Variants in SEMA3A observed in about 807,000 individuals in gnomAD.
SEMA3A encodes the protein semaphorin 3A, also known as semaphorin-3A.
SEMA3A carries 29 observed loss-of-function variants against 97.9 expected under a neutral mutation model. That is an observed-to-expected ratio of 0.30 (90% CI 0.22 to 0.40). SEMA3A has a LOEUF of 0.40. Ranked by LOEUF, SEMA3A falls within the 10% of genes least tolerant of loss-of-function variation. SEMA3A has a pLI of 1.00. For synonymous variants in SEMA3A, 321 were observed against 323.7 expected, an observed-to-expected ratio of 0.99 and a Z score of 0.09; for missense variants, 763 against 951.3, an observed-to-expected ratio of 0.80 and a Z score of 2.60.
intron 4 of SEMA3A, among the ~76,000 whole-genome samples, chr7:84,095,361 A>T (rs1583958829): frequency 0.014 from 538 of 37,334 alleles, 1 homozygote; most frequent in Non-Finnish European, 0.029. Context: ...TTATATACAT[A>T]TATATATATA....
rs753938957 is a variant in SEMA3A at position 84,005,555 on chromosome 7, G to C, written c.1144C>G (p.Pro382Ala). The change falls in exon 11 of 17, where the codon CCC becomes GCC. Residue 382 changes from proline (P) to alanine (A), a missense_variant. Around this residue, in one of 2 missense-constraint regions of SEMA3A, gnomAD observed 678 missense variants for 881.3 expected, o/e 0.77. Transcript: ENST00000265362. Reference sequence around the variant, plus strand: ...TCAAAACCACCAAATGTTTTGCTGGGACACTATTAAGATAAAGAGAAAATT... The same window carrying C: ...TCAAAACCACCAAATGTTTTGCTGGCACACTATTAAGATAAAGAGAAAATT... ...RVPYPRPGTC[P>A]SKTFGGFDST... 6.2e-7 allele frequency: 1 copy of C among 1,602,722 alleles called. No individual in the cohort carries two copies. Among genetic ancestry groups the C allele is most frequent in the Non-Finnish European group, 8.5e-7 (1 of 1,170,044 alleles).
intron 3 of SEMA3A, among the ~76,000 whole-genome samples, chr7:84,203,526 A>ATTTTTTTTTTTTTTTT (rs35519031): frequency 3.9e-5 from 1 of 25,658 alleles, no homozygotes; most frequent in Non-Finnish European, 7.1e-5. Context: ...ATATATATAT[A>ATTTTTTTTTTTTTTTT]TTTTTTTTTT....
intron 2 of SEMA3A, among the ~76,000 whole-genome samples, chr7:84,327,162 C>T (rs1801793016): frequency 6.6e-6 from 1 of 151,948 alleles, no homozygotes; most frequent in Admixed American, 6.6e-5. Flanking sequence ...TTTATTGCTA[C>T]TCTTAATAGA....
Position 83,999,301 on chromosome 7 carries a change from T to C in SEMA3A, c.1452+2654A>G, listed in dbSNP as rs191806322. The stretch of plus-strand genomic sequence containing the variant: ...ACATCTTTTTAAGTTAAAATCCTTA[T>C]TAATGTACTAAACAACATAGCTAAG... On this transcript the variant is annotated intron_variant, in intron 12 of 16. Transcript: ENST00000265362. 2.9e-4 allele frequency among the ~76,000 whole-genome samples: 44 copies of C among 152,254 alleles called. 1 individual carries two copies. The highest frequency in any genetic ancestry group is 3.1e-4 in the Non-Finnish European group (21 of 67,996).
chr7:84,162,913 A>G (rs1797083956), intron 1 of SEMA3A, among the ~76,000 whole-genome samples: 1 of 152,200 alleles, frequency 6.6e-6, no homozygotes, highest in East Asian at 1.9e-4. Context: ...AATAGACTCT[A>G]GAAACTTCGA....
Position 84,194,744 on chromosome 7 carries a change from C to A in SEMA3A, c.-158G>T. ...CAAGACCTCATGGCAACACTAACACCTCTTCTTCTGTAACAGTCACTGAAG... is the reference window on the plus strand; with the variant it reads ...CAAGACCTCATGGCAACACTAACACATCTTCTTCTGTAACAGTCACTGAAG... On this transcript the variant is annotated 5_prime_UTR_variant, in exon 1 of 17. It adds an upstream start codon to the 5' untranslated region. Coordinates refer to ENST00000265362, the MANE Select transcript of SEMA3A (RefSeq NM_006080.3). The A allele has an allele frequency of 2.2e-6, 1 of 462,358 alleles. No homozygotes were observed. Among genetic ancestry groups the A allele is most frequent in the South Asian group, 4.3e-5 (1 of 23,266 alleles). 28.6% of individuals were successfully genotyped at this position (462,358 alleles called of 1,614,324 possible). A position where few individuals can be genotyped will look rare whatever the true frequency, so the allele number is the denominator to read the frequency against.
At chr7:84,009,645 C>T (rs971177390) in intron 9 of SEMA3A, among the ~76,000 whole-genome samples, 2 of 151,844 alleles carry the variant, frequency 1.3e-5, no homozygotes, top group African/African-American at 2.4e-5. Flanking sequence ...TTCAACAACC[C>T]CAGGTAATGT....
At chr7:84,073,256 G>A (rs1490075912) in intron 4 of SEMA3A, among the ~76,000 whole-genome samples, 1 of 152,004 alleles carries the variant, frequency 6.6e-6, no homozygotes, top group Non-Finnish European at 1.5e-5. Context: ...AGAAAGACGT[G>A]TGTGTATGGG....
intron 3 of SEMA3A, among the ~76,000 whole-genome samples, chr7:84,230,740 T>G (rs759223927): frequency 1.3e-5 from 2 of 152,040 alleles, no homozygotes; most frequent in Non-Finnish European, 2.9e-5. Context: ...GTCCTCAAGC[T>G]TGTAATCTTG....
intron 1 of SEMA3A, among the ~76,000 whole-genome samples, chr7:84,160,869 A>G (rs1797009907): frequency 6.6e-6 from 1 of 151,976 alleles, no homozygotes; most frequent in Non-Finnish European, 1.5e-5. Flanking sequence ...AACAAGAGTG[A>G]AACTCCATCT....
At chr7:84,091,345 GAAGGAAGGAAGA>G (rs1794598693) in intron 4 of SEMA3A, among the ~76,000 whole-genome samples, 1 of 118,574 alleles carries the variant, frequency 8.4e-6, no homozygotes, top group African/African-American at 2.5e-5. Context: ...AAAGAGGAGG[GAAGGAAGGAAGA>G]AAGGAAGAAA....
intron 12 of SEMA3A, among the ~76,000 whole-genome samples, chr7:83,994,613 C>T (rs1314413151): frequency 7.0e-6 from 1 of 143,192 alleles, no homozygotes; most frequent in Non-Finnish European, 1.5e-5. Flanking sequence ...GGGGTGCCTC[C>T]CAGTTAGGCT....
chr7:84,077,141 A>G (rs58000373), intron 4 of SEMA3A, among the ~76,000 whole-genome samples: 19,187 of 152,072 alleles, frequency 0.13, 1,277 homozygotes, highest in South Asian at 0.15. Context: ...ACAATTTACA[A>G]CATTTTGCCC....
intron 1 of SEMA3A, among the ~76,000 whole-genome samples, chr7:84,154,752 G>A (rs967446529): frequency 6.7e-6 from 1 of 150,014 alleles, no homozygotes; most frequent in African/African-American, 2.5e-5. Context: ...TTTTAGATCT[G>A]TTTCAGATGA....
intron 1 of SEMA3A, among the ~76,000 whole-genome samples, chr7:84,438,213 A>G (rs951513956): frequency 6.6e-6 from 1 of 152,132 alleles, no homozygotes. Flanking sequence ...GACCAGAATG[A>G]CTTGGATACA....
chr7:84,321,872 G>GAAAAA (rs1156548285), intron 2 of SEMA3A, among the ~76,000 whole-genome samples: 12 of 12,048 alleles, frequency 1.0e-3, no homozygotes, highest in Non-Finnish European at 1.8e-3. Context: ...CGAGACTACG[G>GAAAAA]AAAAAAAAAA....
At chr7:84,294,922 G>T (rs1311148715) in intron 3 of SEMA3A, among the ~76,000 whole-genome samples, 1 of 151,946 alleles carries the variant, frequency 6.6e-6, no homozygotes, top group Non-Finnish European at 1.5e-5. Context: ...GTAACAATAG[G>T]TCAGCTTCAA....
intron 3 of SEMA3A, among the ~76,000 whole-genome samples, chr7:84,249,690 G>A (rs549828643): frequency 6.6e-6 from 1 of 151,712 alleles, no homozygotes; most frequent in Non-Finnish European, 1.5e-5. Flanking sequence ...TGTAATATGT[G>A]GAATTAGCAG....
chr7:84,082,924 T>A (rs192783102), intron 4 of SEMA3A, among the ~76,000 whole-genome samples: 1 of 151,946 alleles, frequency 6.6e-6, no homozygotes, highest in South Asian at 2.1e-4. Context: ...TATGATGGGA[T>A]GATATTCTTA....
Sources: allele counts gnomAD v4.1 joint callset (sites outside exome capture counted in the v4.1 genomes callset), GRCh38; gene constraint gnomAD v4.1.1; regional missense constraint gnomAD v4.1.1; transcripts MANE v1.5; gene names NCBI Gene and HGNC (gene_info 2026-07-23, HGNC 2026-07-21).